Variants in PLD5 observed in about 807,000 individuals in gnomAD.
The protein encoded by PLD5 is inactive phospholipase D5.
Under a neutral mutation model 61.1 loss-of-function variants are expected in PLD5, and 36 were observed. That is an observed-to-expected ratio of 0.59 (90% CI 0.45 to 0.78). PLD5 has a LOEUF of 0.78. Among genes scored for constraint, PLD5 ranks in the 30% least tolerant of loss-of-function variants. The probability of loss-of-function intolerance (pLI) is 0.00; values close to 1 mark genes in which losing one functional copy is unlikely to be tolerated. For synonymous variants in PLD5, 243 were observed against 242.8 expected, an observed-to-expected ratio of 1.00 and a Z score of -0.01; for missense variants, 515 against 644.4, an observed-to-expected ratio of 0.80 and a Z score of 2.17.
At chr1:242,261,256 C>T (rs1226058617) in intron 4 of PLD5, among the ~76,000 whole-genome samples, 3 of 152,120 alleles carry the variant, frequency 2.0e-5, no homozygotes, top group South Asian at 2.1e-4. Flanking sequence ...AATGATGCCT[C>T]GAACATGCAG....
At chr1:242,201,007 T>C (rs1344259504) in intron 5 of PLD5, among the ~76,000 whole-genome samples, 4 of 152,200 alleles carry the variant, frequency 2.6e-5, no homozygotes, top group Non-Finnish European at 5.9e-5. Context: ...CTCAGGCAAT[T>C]CAGAAGTGGA....
rs143642232 is a variant in PLD5 at position 242,163,597 on chromosome 1, C to CTAA, written c.736-38935_736-38933dup. ...CATCATGTCAGAAAATAAATTCTTTCTAATAAATGTGAAATAGGACAATGA... is the reference window on the plus strand; with the variant it reads ...CATCATGTCAGAAAATAAATTCTTTCTAATAATAAATGTGAAATAGGACAATGA... On this transcript the variant is annotated intron_variant, in intron 5 of 9. Transcript: ENST00000536534. Among the ~76,000 whole-genome samples the CTAA allele has an allele frequency of 2.9e-3, 442 of 152,254 alleles. 13 individuals are homozygous for CTAA. The East Asian group carries it at 0.074, about 25-fold the overall frequency.
chr1:242,271,523 T>C (rs1430015490), intron 3 of PLD5, among the ~76,000 whole-genome samples: 1 of 152,050 alleles, frequency 6.6e-6, no homozygotes, highest in Non-Finnish European at 1.5e-5. Flanking sequence ...GGAAAATGAA[T>C]CAGATAGACT....
intron 2 of PLD5, among the ~76,000 whole-genome samples, chr1:242,319,132 G>A (rs1242960481): frequency 6.6e-6 from 1 of 152,024 alleles, no homozygotes; most frequent in Non-Finnish European, 1.5e-5. Context: ...TAAATATCAT[G>A]GACCAGCAAA....
rs574033679 is a variant in PLD5 at position 242,389,789 on chromosome 1, G to C, written c.190-41547C>G. Reference sequence around the variant, plus strand: ...AACAGTGGGCCCCTAATATATTTAAGCATTCTCTTAATAGCCACAAGGAGT... The same window carrying C: ...AACAGTGGGCCCCTAATATATTTAACCATTCTCTTAATAGCCACAAGGAGT... On this transcript the variant is annotated intron_variant, in intron 1 of 9. Transcript: ENST00000536534. 1.6e-4 allele frequency among the ~76,000 whole-genome samples: 25 copies of C among 152,078 alleles called. No individual in the cohort carries two copies. In the South Asian group the frequency reaches 3.9e-3, roughly 24 times the overall value.
intron 2 of PLD5, among the ~76,000 whole-genome samples, chr1:242,331,670 A>G (rs977907625): frequency 6.6e-6 from 1 of 152,196 alleles, no homozygotes; most frequent in Non-Finnish European, 1.5e-5. Flanking sequence ...GGCTAGATTG[A>G]TTCACACATA....
At chr1:242,350,607 G>T (rs113752269) in intron 1 of PLD5, among the ~76,000 whole-genome samples, 4 of 152,138 alleles carry the variant, frequency 2.6e-5, no homozygotes, top group Non-Finnish European at 4.4e-5. Context: ...TCATCGAGAG[G>T]TATCCTTAAA....
chr1:242,281,871 G>A lies in PLD5; in HGVS notation c.495+6491C>T, dbSNP rs1208466696. ...AGAGTAAGACTGTGGGTGTGTGCGC[G>A]CACACACACTTGAAGATTTATAATT... is the stretch of plus-strand genomic sequence containing the variant. On this transcript the variant is annotated intron_variant, in intron 3 of 9. Coordinates refer to ENST00000536534, the MANE Select transcript of PLD5 (RefSeq NM_001372062.1). Among the ~76,000 whole-genome samples the A allele has an allele frequency of 2.6e-5, 4 of 151,776 alleles. No individual in the cohort carries two copies. The East Asian group carries it at 5.8e-4, about 22-fold the overall frequency.
chr1:242,368,003 A>T (rs1661436235), intron 1 of PLD5, among the ~76,000 whole-genome samples: 1 of 152,222 alleles, frequency 6.6e-6, no homozygotes, highest in Admixed American at 6.6e-5. Flanking sequence ...AAAAGTACAA[A>T]GTCCTGTTAA....
intron 1 of PLD5, among the ~76,000 whole-genome samples, chr1:242,456,020 A>C (rs1264596890): frequency 2.0e-5 from 3 of 152,262 alleles, no homozygotes; most frequent in African/African-American, 7.2e-5. Context: ...AGGACATTAC[A>C]AAGAAATACT....
chr1:242,510,523 T>C (rs1053957884), intron 1 of PLD5, among the ~76,000 whole-genome samples: 2 of 152,162 alleles, frequency 1.3e-5, no homozygotes, highest in African/African-American at 4.8e-5. Context: ...GCCAGGGTTA[T>C]AATTAAGGAT....
chr1:242,221,929 A>C (rs1371418201), intron 4 of PLD5, among the ~76,000 whole-genome samples: 1 of 152,150 alleles, frequency 6.6e-6, no homozygotes, highest in African/African-American at 2.4e-5. Context: ...TGGATGACTT[A>C]AAACAGCAGA....
At chr1:242,479,871 G>A (rs1038253189) in intron 1 of PLD5, among the ~76,000 whole-genome samples, 27 of 149,214 alleles carry the variant, frequency 1.8e-4, no homozygotes, top group South Asian at 4.2e-4. Context: ...GTGAAACCCC[G>A]TCTCTACTAA....
intron 1 of PLD5, among the ~76,000 whole-genome samples, chr1:242,369,122 G>A (rs892691020): frequency 6.6e-6 from 1 of 152,182 alleles, no homozygotes; most frequent in Admixed American, 6.5e-5. Flanking sequence ...AGAACATTGA[G>A]AATGTAGGAC....
At chr1:242,272,207 G>A (rs1288152323) in intron 3 of PLD5, among the ~76,000 whole-genome samples, 1 of 152,034 alleles carries the variant, frequency 6.6e-6, no homozygotes, top group East Asian at 1.9e-4. Context: ...AATTTATGGT[G>A]CTTTGAGAGC....
chr1:242,408,135 T>G (rs569451486), intron 1 of PLD5, among the ~76,000 whole-genome samples: 1 of 152,312 alleles, frequency 6.6e-6, no homozygotes, highest in African/African-American at 2.4e-5. Context: ...GCATACATTG[T>G]GTGGAAGCTA....
intron 1 of PLD5, among the ~76,000 whole-genome samples, chr1:242,361,311 G>C (rs2257601): frequency 3.9e-5 from 6 of 152,006 alleles, no homozygotes; most frequent in African/African-American, 1.4e-4. Context: ...ACAATATAAG[G>C]TCATGCCACT....
intron 5 of PLD5, among the ~76,000 whole-genome samples, chr1:242,183,997 T>A (rs1483216071): frequency 6.6e-6 from 1 of 152,222 alleles, no homozygotes; most frequent in Non-Finnish European, 1.5e-5. Flanking sequence ...CCTAACAACT[T>A]TGTAGCTGTT....
intron 5 of PLD5, among the ~76,000 whole-genome samples, chr1:242,203,964 C>T (rs1250841490): frequency 1.3e-5 from 2 of 151,946 alleles, no homozygotes; most frequent in African/African-American, 2.4e-5. Context: ...AGGCCGGTTG[C>T]GGTGGCTCAC....
Sources: allele counts gnomAD v4.1 joint callset (sites outside exome capture counted in the v4.1 genomes callset), GRCh38; gene constraint gnomAD v4.1.1; transcripts MANE v1.5; gene names NCBI Gene and HGNC (gene_info 2026-07-23, HGNC 2026-07-21).